The following RANBP2 variants were observed in gnomAD, a reference collection of about 807,000 sequenced individuals.
The protein encoded by RANBP2 is E3 SUMO-protein ligase RanBP2.
Under a neutral mutation model 303.6 loss-of-function variants are expected in RANBP2, and 57 were observed. That is an observed-to-expected ratio of 0.19 (90% CI 0.15 to 0.23). The LOEUF is 0.23. Among genes scored for constraint, RANBP2 ranks in the 10% least tolerant of loss-of-function variants. The probability of loss-of-function intolerance (pLI) is 1.00; values close to 1 mark genes in which losing one functional copy is unlikely to be tolerated. For missense variants in RANBP2, 3,138 were observed against 3,780.8 expected (o/e 0.83, Z 4.46); for synonymous variants, 1,167 against 1,301.5 (o/e 0.90, Z 2.23).
At position 108,772,530 on chromosome 2, in the gene RANBP2, C is replaced by T. The variant is rs2303585; in HGVS notation, c.8062C>T (p.Leu2688=). Reference sequence around the variant, plus strand: ...AGCTGTCAAGAAACTTAATGGAAAACTATATTTGGATGGCTCAGAAAAATG... The same window carrying T: ...AGCTGTCAAGAAACTTAATGGAAAATTATATTTGGATGGCTCAGAAAAATG... ...ETAVKKLNGK[L]YLDGSEKCRP... Residue 2688 remains leucine (L), a synonymous_variant, in exon 22 of 29, where the codon CTA becomes TTA. Coordinates refer to ENST00000283195, the MANE Select transcript of RANBP2 (RefSeq NM_006267.5). 2.3e-4 allele frequency: 375 copies of T among 1,613,708 alleles called. 6 individuals are homozygous for T. The East Asian group carries it at 8.3e-3, about 36-fold the overall frequency.
the RANBP2 span, among the ~76,000 whole-genome samples, chr2:109,430,998 G>T: frequency 6.6e-6 from 1 of 152,208 alleles, no homozygotes; most frequent in Non-Finnish European, 1.5e-5. Flanking sequence ...TGTTCGAAAA[G>T]GGGGGCAGAT....
the RANBP2 span, chr2:109,574,560 T>C: frequency 2.1e-6 from 3 of 1,443,628 alleles, no homozygotes; most frequent in Admixed American, 2.5e-5. Context: ...TATGGTAAGT[T>C]GATTCCTTTC....
chr2:109,305,962 A>T, the RANBP2 span, among the ~76,000 whole-genome samples: 3 of 152,188 alleles, frequency 2.0e-5, no homozygotes, highest in Non-Finnish European at 2.9e-5. Context: ...TTGCTCATTC[A>T]GCACGGTATT....
At chr2:109,595,938 T>C in the RANBP2 span, among the ~76,000 whole-genome samples, 7 of 152,344 alleles carry the variant, frequency 4.6e-5, 1 homozygote, top group African/African-American at 1.4e-4. Flanking sequence ...CCTGCTTGCC[T>C]CTCAGCATCT....
the RANBP2 span, chr2:108,815,864 T>G: frequency 1.7e-6 from 2 of 1,199,460 alleles, no homozygotes; most frequent in Non-Finnish European, 2.4e-6. Flanking sequence ...TTCTTATTAC[T>G]TAACAAATTT....
the RANBP2 span, among the ~76,000 whole-genome samples, chr2:109,220,357 G>A: frequency 2.0e-5 from 3 of 152,104 alleles, no homozygotes; most frequent in African/African-American, 7.2e-5. Context: ...TTCATGGCCT[G>A]GAATTAGGCA....
At chr2:109,758,309 G>C in the RANBP2 span, among the ~76,000 whole-genome samples, 2 of 40,856 alleles carry the variant, frequency 4.9e-5, no homozygotes, top group Admixed American at 2.7e-4. Context: ...TGGGAAGACT[G>C]AGGCAGGAGG....
At chr2:109,024,520 G>A in the RANBP2 span, among the ~76,000 whole-genome samples, 1 of 152,172 alleles carries the variant, frequency 6.6e-6, no homozygotes, top group Non-Finnish European at 1.5e-5. Flanking sequence ...AGCAGTGAGG[G>A]GGTTCTGGTC....
At chr2:108,947,133 A>G in the RANBP2 span, among the ~76,000 whole-genome samples, 1 of 152,226 alleles carries the variant, frequency 6.6e-6, no homozygotes, top group Admixed American at 6.5e-5. Context: ...CATAGGCCCC[A>G]TGCAAAAGTC....
the RANBP2 span, among the ~76,000 whole-genome samples, chr2:109,401,539 G>A: frequency 6.6e-6 from 1 of 152,224 alleles, no homozygotes; most frequent in Non-Finnish European, 1.5e-5. Context: ...CCTGTGTCCT[G>A]TAATTTGTGA....
At chr2:109,232,654 A>C in the RANBP2 span, among the ~76,000 whole-genome samples, 2 of 152,162 alleles carry the variant, frequency 1.3e-5, no homozygotes, top group Non-Finnish European at 2.9e-5. Flanking sequence ...GTGATTGATT[A>C]ACAATGTTTT....
the RANBP2 span, among the ~76,000 whole-genome samples, chr2:109,247,310 G>A: frequency 6.6e-6 from 1 of 152,142 alleles, no homozygotes; most frequent in Non-Finnish European, 1.5e-5. Flanking sequence ...GCTTTCTTGA[G>A]CCCTTTATCC....
chr2:108,851,640 A>C, the RANBP2 span, among the ~76,000 whole-genome samples: 1 of 151,978 alleles, frequency 6.6e-6, no homozygotes, highest in Admixed American at 6.6e-5. Context: ...CTGACATCAC[A>C]ATTCTGTCCA....
the RANBP2 span, chr2:109,419,485 C>T: frequency 6.5e-7 from 1 of 1,526,984 alleles, no homozygotes; most frequent in South Asian, 1.2e-5. Context: ...TTTTCTCTTT[C>T]CCTTGGATGG....
chr2:109,192,526 T>G, the RANBP2 span, among the ~76,000 whole-genome samples: 2 of 152,156 alleles, frequency 1.3e-5, no homozygotes, highest in African/African-American at 4.8e-5. Context: ...CTTATAGAGA[T>G]TTGGTAATTT....
chr2:109,404,853 A>G, the RANBP2 span, among the ~76,000 whole-genome samples: 1 of 151,934 alleles, frequency 6.6e-6, no homozygotes, highest in Admixed American at 6.6e-5. Flanking sequence ...CTCCTTCCTC[A>G]TCCGCCATCT....
the RANBP2 span, among the ~76,000 whole-genome samples, chr2:109,485,799 G>A: frequency 1.3e-5 from 2 of 152,262 alleles, no homozygotes; most frequent in South Asian, 4.1e-4. Flanking sequence ...ACATGTCAGT[G>A]TTCCGTGCCT....
At chr2:109,644,638 C>T in the RANBP2 span, among the ~76,000 whole-genome samples, 3 of 152,286 alleles carry the variant, frequency 2.0e-5, no homozygotes, top group East Asian at 5.8e-4. Flanking sequence ...GAACTGTGAA[C>T]TGGCTCCTGT....
chr2:109,417,262 G>A, the RANBP2 span, among the ~76,000 whole-genome samples: 1 of 152,114 alleles, frequency 6.6e-6, no homozygotes, highest in Non-Finnish European at 1.5e-5. Flanking sequence ...CTCTGCCCTC[G>A]TACTTGCCCT....
Sources: allele counts gnomAD v4.1 joint callset (sites outside exome capture counted in the v4.1 genomes callset), GRCh38; gene constraint gnomAD v4.1.1; transcripts MANE v1.5; gene names NCBI Gene and HGNC (gene_info 2026-07-23, HGNC 2026-07-21).